USP42: variants seen among roughly 807,000 people sequenced by gnomAD.
The protein encoded by USP42 is ubiquitin carboxyl-terminal hydrolase 42.
Under a neutral mutation model 113.0 loss-of-function variants are expected in USP42, and 23 were observed. That is an observed-to-expected ratio of 0.20 (90% confidence interval 0.15 to 0.29). The LOEUF (loss-of-function observed/expected upper bound fraction) is 0.29. Ranked by LOEUF, USP42 falls within the 10% of genes least tolerant of loss-of-function variation. USP42 has a pLI of 1.00. For synonymous variants in USP42, 933 were observed against 699.0 expected (o/e 1.33, Z -5.28); for missense variants, 2,174 against 1,779.8 (o/e 1.22, Z -3.99).
At chr7:6,136,002 CTTT>C (rs11322306) in intron 4 of USP42, 51 bp downstream of exon 4, 6,532 of 542,966 alleles carry the variant, frequency 0.012, no homozygotes, top group East Asian at 0.023. Context: ...CCTAGTTATA[CTTT>C]TTTTTTTTTT....
At chr7:6,115,993 A>G (rs1779890535) in intron 3 of USP42, among the ~76,000 whole-genome samples, 1 of 151,736 alleles carries the variant, frequency 6.6e-6, no homozygotes, top group Non-Finnish European at 1.5e-5. Flanking sequence ...GTCCCAGCAT[A>G]CTCAGGAGGG....
chr7:6,125,183 C>CAA lies in USP42; in HGVS notation c.442+9680_442+9681dup, dbSNP rs56776147. Among the ~76,000 whole-genome samples the CAA allele has an allele frequency of 2.2e-3, 86 of 38,724 alleles. 1 individual carries two copies. The highest frequency in any genetic ancestry group is 7.9e-3 in the East Asian group (10 of 1,272). 25.4% of individuals were successfully genotyped at this position (38,724 alleles called of 152,430 possible). On this transcript the variant is annotated intron_variant, in intron 3 of 17. Coordinates refer to ENST00000306177, the MANE Select transcript of USP42 (RefSeq NM_032172.3). ...GCAACAGAGCGAGACTCTGTCTCAA[C>CAA]AAAAAAAAAAAAAAAAAAAAACAGG...
Position 6,149,819 on chromosome 7 carries a change from T to G in USP42, c.1623T>G (p.Leu541=), listed in dbSNP as rs1275424112. The change falls in exon 13 of 18, where the codon CTT becomes CTG. Residue 541 remains leucine (L), a synonymous_variant. Coordinates refer to ENST00000306177, the MANE Select transcript of USP42 (RefSeq NM_032172.3). ...GCCAGTGTCAGTCTCAACCTAACCTTCATAGTAATTCTTTGGAGAACCCTA... is the reference window on the plus strand; with the variant it reads ...GCCAGTGTCAGTCTCAACCTAACCTGCATAGTAATTCTTTGGAGAACCCTA... The part of the protein sequence containing the change: ...PVRQCQSQPN[L]HSNSLENPTK... 1.9e-6 allele frequency: 3 copies of G among 1,613,904 alleles called. No individual in the cohort carries two copies. In the African/African-American group the frequency reaches 4.0e-5, roughly 22 times the overall value.
chr7:6,132,242 A>T (rs1322012129), intron 3 of USP42, among the ~76,000 whole-genome samples: 1 of 152,106 alleles, frequency 6.6e-6, no homozygotes, highest in African/African-American at 2.4e-5. Context: ...TTCTTTTAAT[A>T]CTTGAAAGAT....
At chr7:6,092,726 G>A in the USP42 span, among the ~76,000 whole-genome samples, 1 of 151,076 alleles carries the variant, frequency 6.6e-6, no homozygotes, top group South Asian at 2.1e-4. Flanking sequence ...GGAGAGATTT[G>A]GGATCTGTCT....
the USP42 span, among the ~76,000 whole-genome samples, chr7:6,097,444 G>C: frequency 5.7e-5 from 8 of 140,182 alleles, no homozygotes; most frequent in African/African-American, 8.3e-5. Flanking sequence ...TGAAGACAGA[G>C]CACAGGCTGA....
chr7:6,132,694 C>T lies in USP42; in HGVS notation c.443-3147C>T, dbSNP rs146156145. 7.6e-3 allele frequency among the ~76,000 whole-genome samples: 1,148 copies of T among 151,794 alleles called. 8 individuals are homozygous for T. The highest frequency in any genetic ancestry group is 0.017 in the Middle Eastern group (5 of 292). On this transcript the variant is annotated intron_variant, in intron 3 of 17. Transcript: ENST00000306177. ...TTGTTTGTTTGTTTGTTTTTTGAGA[C>T]GGAGTTTTGCTCTGTTGCCCAGGCT... is the stretch of plus-strand genomic sequence containing the variant.
chr7:6,103,578 T>A (rs1790204833), upstream of USP42, among the ~76,000 whole-genome samples: 1 of 149,444 alleles, frequency 6.7e-6, no homozygotes, highest in Admixed American at 6.6e-5. Context: ...TGATGGACAG[T>A]GGCGCACCGG....
Position 6,146,368 on chromosome 7 carries a change from A to G in USP42, c.1232+120A>G, listed in dbSNP as rs1229522768. The G allele has an allele frequency of 7.1e-6, 5 of 708,736 alleles. No homozygotes were observed. In the Admixed American group the frequency reaches 9.7e-5, roughly 14 times the overall value. 43.9% of individuals were successfully genotyped at this position (708,736 alleles called of 1,614,324 possible). A position where few individuals can be genotyped will look rare whatever the true frequency, so the allele number is the denominator to read the frequency against. ...AAAAAAAAAACCCAGCAGCTTAAAGATCAACTCTAGCCTGGGCATGGTGCC... is the reference window on the plus strand; with the variant it reads ...AAAAAAAAAACCCAGCAGCTTAAAGGTCAACTCTAGCCTGGGCATGGTGCC... On this transcript the variant is annotated intron_variant, in intron 11 of 17. Transcript: ENST00000306177.
At chr7:6,106,258 G>A (rs1250793934) in intron 1 of USP42, among the ~76,000 whole-genome samples, 1 of 152,160 alleles carries the variant, frequency 6.6e-6, no homozygotes, top group Non-Finnish European at 1.5e-5. Context: ...TTTTTAAAGC[G>A]TGTGTGTTTT....
rs569864999 is a variant in USP42, at chr7:6,154,522, C to A, written c.2968C>A (p.Arg990Ser). The change falls in exon 15 of 18, where the codon CGC becomes AGC. Residue 990 changes from arginine (R) to serine (S), a missense_variant. By Grantham distance (110) the Arg-to-Ser change is moderately radical. Coordinates refer to ENST00000306177, the MANE Select transcript of USP42 (RefSeq NM_032172.3). ...CCGCACCTGCCCCCGGGAGCGCGAC[C>A]GCCAGGACCGCCACGCCCCGGAGCA... Reference protein sequence around the residue: ...RRRTCPRERDRQDRHAPEHHP... With the variant: ...RRRTCPRERDSQDRHAPEHHP... The A allele has an allele frequency of 1.1e-5, 17 of 1,541,432 alleles. No homozygotes were observed. Among genetic ancestry groups the A allele is most frequent in the Non-Finnish European group, 1.5e-5 (17 of 1,144,028 alleles).
the USP42 span, among the ~76,000 whole-genome samples, chr7:6,093,584 C>T: frequency 6.7e-6 from 1 of 150,298 alleles, no homozygotes; most frequent in African/African-American, 2.5e-5. Flanking sequence ...TCTTTCTTTT[C>T]TCTTTTTTCT....
At position 6,155,143 on chromosome 7, in the gene USP42, AAATC is replaced by A; in HGVS notation, c.3592_3595del (p.Ser1198ArgfsTer129). 1 of 1,548,786 alleles carries A rather than the reference AAATC, an allele frequency of 6.5e-7. No homozygotes were observed. The highest frequency in any genetic ancestry group is 8.7e-7 in the Non-Finnish European group (1 of 1,147,760). The stretch of plus-strand genomic sequence containing the variant: ...AGAGCCTAAAGCAAAGAAGCACAAA[AAATC>A]AAAGAAGAAAAAGAAATCCAAAGAC... On this transcript the variant is annotated frameshift_variant, in exon 15 of 18. Coordinates refer to ENST00000306177, the MANE Select transcript of USP42 (RefSeq NM_032172.3). LOFTEE classifies it high-confidence loss of function.
Position 6,154,533 on chromosome 7 carries a change from C to G in USP42, c.2979C>G (p.Arg993=), listed in dbSNP as rs73335442. The G allele has an allele frequency of 3.2e-5, 49 of 1,543,542 alleles. No homozygotes were observed. In the Middle Eastern group the frequency reaches 1.4e-3, roughly 44 times the overall value. The change falls in exon 15 of 18, where the codon CGC becomes CGG. Residue 993 remains arginine (R), a synonymous_variant. Coordinates refer to ENST00000306177, the MANE Select transcript of USP42 (RefSeq NM_032172.3). ...CCCGGGAGCGCGACCGCCAGGACCG[C>G]CACGCCCCGGAGCACCACCCCGGCC... is the stretch of plus-strand genomic sequence containing the variant. ...TCPRERDRQD[R]HAPEHHPGHG...
At position 6,154,145 on chromosome 7, in the gene USP42, A is replaced by G; in HGVS notation, c.2591A>G (p.Glu864Gly). ...AGTCCGGCTCCGCCTGCGCGGTCGG[A>G]GGAGCCCTGCGAGCAGCCACTCCTT... is the stretch of plus-strand genomic sequence containing the variant. ...GLSPAPPARS[E>G]EPCEQPLLVH... The change falls in exon 15 of 18, where the codon GAG (glutamate) becomes GGG (glycine). Residue 864 changes from glutamate to glycine, a missense_variant. By Grantham distance (98) the Glu-to-Gly change is moderately conservative. Coordinates refer to ENST00000306177, the MANE Select transcript of USP42 (RefSeq NM_032172.3). 1 of 1,595,836 alleles carries G rather than the reference A, an allele frequency of 6.3e-7. No individual in the cohort carries two copies. Among genetic ancestry groups the G allele is most frequent in the Non-Finnish European group, 8.5e-7 (1 of 1,172,386 alleles).
chr7:6,107,318 T>G (rs1190941844), intron 1 of USP42, among the ~76,000 whole-genome samples: 1 of 152,198 alleles, frequency 6.6e-6, no homozygotes, highest in Non-Finnish European at 1.5e-5. Flanking sequence ...AAATTAAGGT[T>G]TTTGTTGCTG....
chr7:6,151,126 AC>A (rs1782024909), intron 14 of USP42, among the ~76,000 whole-genome samples: 1 of 152,152 alleles, frequency 6.6e-6, no homozygotes, highest in African/African-American at 2.4e-5. Flanking sequence ...TAAGAGGAAA[AC>A]TGGCACACCT....
intron 4 of USP42, among the ~76,000 whole-genome samples, chr7:6,136,956 G>T (rs1308156476): frequency 1.3e-5 from 2 of 152,042 alleles, no homozygotes; most frequent in African/African-American, 4.8e-5. Flanking sequence ...AGTCTTAAAA[G>T]AATATATACT....
At chr7:6,093,175 C>CTCCCTCTCTCCCTTCCTTCCT in the USP42 span, 1 of 142,388 alleles carries the variant, frequency 7.0e-6, no homozygotes, top group African/African-American at 2.7e-5. Flanking sequence ...CCTTCCTTCC[C>CTCCCTCTCTCCCTTCCTTCCT]TCCCTCTCTC....
Sources: gnomAD v4.1 joint callset for allele counts (sites outside exome capture counted in the v4.1 genomes callset) on GRCh38, gnomAD v4.1.1 for gene constraint, MANE v1.5 for transcripts, NCBI Gene and HGNC (gene_info 2026-07-23, HGNC 2026-07-21) for gene names.